The following FIP1L1 variants were observed in gnomAD, a reference collection of about 807,000 sequenced individuals.
FIP1L1 encodes the protein pre-mRNA 3'-end-processing factor FIP1.
Under a neutral mutation model 84.6 loss-of-function variants are expected in FIP1L1, and 21 were observed. The observed-to-expected ratio is 0.25, with a 90% CI of 0.18 to 0.36. FIP1L1 has a LOEUF of 0.36. Among genes scored for constraint, FIP1L1 ranks in the 10% least tolerant of loss-of-function variants. The pLI is 1.00. For synonymous variants in FIP1L1, 263 were observed against 242.3 expected (o/e 1.09, Z -0.80); for missense variants, 526 against 751.1 (o/e 0.70, Z 3.50).
chr4:53,448,995 CCT>C (rs1775335138), intron 15 of FIP1L1, among the ~76,000 whole-genome samples: 1 of 151,888 alleles, frequency 6.6e-6, no homozygotes, highest in Admixed American at 6.6e-5. Flanking sequence ...TAGCCATTTA[CCT>C]TTCTGAACTC....
rs577337737 is a variant in FIP1L1 at position 53,459,792 on chromosome 4, T to TAATC, written c.*346_*349dup. 1.9e-4 allele frequency: 61 copies of TAATC among 318,392 alleles called. No homozygotes were observed. The highest frequency in any genetic ancestry group is 9.5e-4 in the Middle Eastern group (1 of 1,056). The allele number at this position is 318,392 out of a possible 1,614,324, so 19.7% of individuals were successfully genotyped here. A position where few individuals can be genotyped will look rare whatever the true frequency, so the allele number is the denominator to read the frequency against. On this transcript the variant is annotated 3_prime_UTR_variant, in exon 18 of 18. Transcript: ENST00000337488. ...TCCACTTGGGCCACAGTTTTTTTGTTAATCAAACACCACTCTCTTAAGAGG... is the reference window on the plus strand; with the variant it reads ...TCCACTTGGGCCACAGTTTTTTTGTTAATCAATCAAACACCACTCTCTTAAGAGG...
chr4:53,452,803 T>G, intron 15 of FIP1L1, 117 bp from the exon 16 acceptor site: 1 of 724,230 alleles, frequency 1.4e-6, no homozygotes, highest in South Asian at 1.9e-5. Context: ...CCATGTGATA[T>G]TTCTCTTTTC....
intron 5 of FIP1L1, among the ~76,000 whole-genome samples, chr4:53,388,018 A>G (rs1393239104): frequency 6.6e-6 from 1 of 152,232 alleles, no homozygotes; most frequent in Non-Finnish European, 1.5e-5. Flanking sequence ...GTACTGCTTG[A>G]CAGTAGTAAT....
intron 5 of FIP1L1, among the ~76,000 whole-genome samples, chr4:53,389,063 A>G (rs1212907270): frequency 6.6e-6 from 1 of 152,242 alleles, no homozygotes; most frequent in African/African-American, 2.4e-5. Context: ...GATATGAAAC[A>G]TAATTGGCAT....
chr4:53,459,370 AAAG>A lies in FIP1L1; in HGVS notation c.1710_1712del (p.Arg570del). On this transcript the variant is annotated inframe_deletion, in exon 18 of 18. Coordinates refer to ENST00000337488, the MANE Select transcript of FIP1L1 (RefSeq NM_030917.4). ...AGGAGACACAAACACAAAAAATCTA[AAAG>A]AAGCAAAGAAGGAAAAGAAGCGGGC... 1 of 1,613,042 alleles carries A rather than the reference AAAG, an allele frequency of 6.2e-7. No homozygotes were observed. The highest frequency in any genetic ancestry group is 8.5e-7 in the Non-Finnish European group (1 of 1,179,642).
intron 1 of FIP1L1, 100 bp downstream of exon 1, chr4:53,378,023 C>T (rs1578032120): frequency 1.9e-5 from 21 of 1,112,830 alleles, no homozygotes; most frequent in Non-Finnish European, 1.2e-6. Context: ...CCGCTTCGGG[C>T]CTCTGGTTGG....
intron 10 of FIP1L1, among the ~76,000 whole-genome samples, chr4:53,410,314 C>G (rs903393841): frequency 2.0e-5 from 3 of 152,230 alleles, no homozygotes; most frequent in African/African-American, 4.8e-5. Flanking sequence ...AAATGCCTAA[C>G]AACTGTAGAA....
chr4:53,460,729 A>C lies in FIP1L1; in HGVS notation c.*1280A>C, dbSNP rs2150539964. 1 of 593,874 alleles carries C rather than the reference A, an allele frequency of 1.7e-6. No individual in the cohort carries two copies. Among genetic ancestry groups the C allele is most frequent in the East Asian group, 3.3e-5 (1 of 30,580 alleles). 36.8% of individuals were successfully genotyped at this position (593,874 alleles called of 1,614,324 possible). On this transcript the variant is annotated 3_prime_UTR_variant, in exon 18 of 18. Coordinates refer to ENST00000337488, the MANE Select transcript of FIP1L1 (RefSeq NM_030917.4). ...CACTGAAAAAAAACTAGTAGTTTTA[A>C]TTTTTTTGGAATCATATTTTCTGAG...
chr4:53,435,468 A>T (rs991378247), intron 13 of FIP1L1, among the ~76,000 whole-genome samples: 1 of 152,160 alleles, frequency 6.6e-6, no homozygotes, highest in African/African-American at 2.4e-5. Context: ...GTTCTCTATT[A>T]AAAAACATAG....
chr4:53,380,685 A>T (rs990313397), intron 3 of FIP1L1, among the ~76,000 whole-genome samples: 7 of 152,190 alleles, frequency 4.6e-5, no homozygotes, highest in Admixed American at 3.9e-4. Flanking sequence ...CTTTTCACTC[A>T]TTGGTATATT....
At chr4:53,391,843 A>G (rs1232788128) in intron 9 of FIP1L1, among the ~76,000 whole-genome samples, 1 of 152,214 alleles carries the variant, frequency 6.6e-6, no homozygotes, top group Non-Finnish European at 1.5e-5. Context: ...CAGAATTGGA[A>G]ACTTTTTTGT....
chr4:53,400,396 T>C (rs1231924055), intron 10 of FIP1L1, among the ~76,000 whole-genome samples: 1 of 152,170 alleles, frequency 6.6e-6, no homozygotes, highest in Non-Finnish European at 1.5e-5. Context: ...ATGTGACAAA[T>C]GGTTACCCTA....
intron 16 of FIP1L1, among the ~76,000 whole-genome samples, chr4:53,454,444 A>G (rs1036818584): frequency 6.6e-6 from 1 of 152,228 alleles, no homozygotes; most frequent in African/African-American, 2.4e-5. Context: ...GACTGTATAC[A>G]TATACCGCAA....
intron 15 of FIP1L1, 99 bp downstream of exon 15, chr4:53,444,202 C>A: frequency 1.3e-6 from 1 of 781,028 alleles, no homozygotes; most frequent in South Asian, 1.6e-5. Context: ...TAACATCTTA[C>A]AGAGCAATTA....
intron 15 of FIP1L1, among the ~76,000 whole-genome samples, chr4:53,446,075 T>C (rs1774062329): frequency 6.6e-6 from 1 of 152,216 alleles, no homozygotes; most frequent in African/African-American, 2.4e-5. Context: ...GGTATCTCTA[T>C]CAGGGTATCG....
chr4:53,454,160 A>G (rs1055085099), intron 16 of FIP1L1, among the ~76,000 whole-genome samples: 2 of 152,208 alleles, frequency 1.3e-5, no homozygotes, highest in African/African-American at 2.4e-5. Context: ...AACCACATGT[A>G]CAACAGTGGT....
rs1402322575 is a variant in FIP1L1, at chr4:53,447,169, A to G, written c.1285+3066A>G. Among the ~76,000 whole-genome samples the G allele has an allele frequency of 5.3e-5, 8 of 152,118 alleles. No homozygotes were observed. The East Asian group carries it at 1.3e-3, about 26-fold the overall frequency. Reference sequence around the variant, plus strand: ...AGTGGTCTCTACAGCATTTCTATATATGTTTATCACCTTATTTCTTGAGTA... The same window carrying G: ...AGTGGTCTCTACAGCATTTCTATATGTGTTTATCACCTTATTTCTTGAGTA... On this transcript the variant is annotated intron_variant, in intron 15 of 17. Coordinates refer to ENST00000337488, the MANE Select transcript of FIP1L1 (RefSeq NM_030917.4).
chr4:53,410,488 C>A (rs1407612504), intron 10 of FIP1L1, among the ~76,000 whole-genome samples: 3 of 152,158 alleles, frequency 2.0e-5, no homozygotes, highest in Admixed American at 2.0e-4. Flanking sequence ...TTAGCAATTC[C>A]TGGGCCAAAT....
chr4:53,445,787 C>G (rs754762532), intron 15 of FIP1L1, among the ~76,000 whole-genome samples: 4 of 152,068 alleles, frequency 2.6e-5, no homozygotes, highest in Admixed American at 1.3e-4. Flanking sequence ...AAACTTACAT[C>G]GTGCTTTTAG....
Sources: allele counts gnomAD v4.1 joint callset (sites outside exome capture counted in the v4.1 genomes callset), GRCh38; gene constraint gnomAD v4.1.1; transcripts MANE v1.5; gene names NCBI Gene and HGNC (gene_info 2026-07-23, HGNC 2026-07-21).